The following ZCCHC7 variants were observed in gnomAD, a reference collection of about 807,000 sequenced individuals.
ZCCHC7 encodes zinc finger CCHC-type containing 7.
Under a neutral mutation model 52.0 loss-of-function variants are expected in ZCCHC7, and 35 were observed. That is an observed-to-expected ratio of 0.67 (90% CI 0.51 to 0.89). The LOEUF (loss-of-function observed/expected upper bound fraction) is 0.89. Ranked by LOEUF, ZCCHC7 falls within the 40% of genes least tolerant of loss-of-function variation. The pLI is 0.00. For missense variants in ZCCHC7, 574 were observed against 649.1 expected (o/e 0.88, Z 1.26); for synonymous variants, 217 against 221.5 (o/e 0.98, Z 0.18).
At chr9:37,315,645 C>T (rs1210766760) in intron 5 of ZCCHC7, among the ~76,000 whole-genome samples, 2 of 151,524 alleles carry the variant, frequency 1.3e-5, no homozygotes, top group African/African-American at 2.4e-5. Flanking sequence ...AGACATGGCT[C>T]AATTTTTAAA....
rs749132062 is a variant in ZCCHC7 at position 37,126,957 on chromosome 9, G to T, written c.610+15G>T. The T allele has an allele frequency of 6.2e-7, 1 of 1,608,366 alleles. No individual in the cohort carries two copies. Among genetic ancestry groups the T allele is most frequent in the Non-Finnish European group, 8.5e-7 (1 of 1,177,514 alleles). On this transcript the variant is annotated intron_variant, in intron 2 of 8. Transcript: ENST00000336755. Reference sequence around the variant, plus strand: ...TGTTACTGAAGGTTAGTATCATATTGGCCATTTTGAAAGTAGTATCATCTT... The same window carrying T: ...TGTTACTGAAGGTTAGTATCATATTTGCCATTTTGAAAGTAGTATCATCTT...
chr9:37,169,852 G>C (rs1821632867), intron 2 of ZCCHC7, among the ~76,000 whole-genome samples: 1 of 152,076 alleles, frequency 6.6e-6, no homozygotes, highest in African/African-American at 2.4e-5. Flanking sequence ...GTTTGCTTGA[G>C]CCCAGCAGTT....
In ZCCHC7 at chr9:37,190,537, T is replaced by G. The variant is rs201104651; in HGVS notation, c.610+63595T>G. Among the ~76,000 whole-genome samples the G allele has an allele frequency of 5.3e-5, 8 of 152,354 alleles. No individual in the cohort carries two copies. In the East Asian group the frequency reaches 1.5e-3, roughly 29 times the overall value. On this transcript the variant is annotated intron_variant, in intron 2 of 8. Transcript: ENST00000336755. Reference sequence around the variant, plus strand: ...CAGTCTGCCTTAACTAGCTGCTTTATGCATCATCCAGGTTTTCTGGATTCA... The same window carrying G: ...CAGTCTGCCTTAACTAGCTGCTTTAGGCATCATCCAGGTTTTCTGGATTCA...
chr9:37,336,672 G>T (rs2118375224), intron 6 of ZCCHC7, among the ~76,000 whole-genome samples: 1 of 152,204 alleles, frequency 6.6e-6, no homozygotes, highest in African/African-American at 2.4e-5. Flanking sequence ...TATAGTAGCA[G>T]ATTTGAATAT....
chr9:37,156,528 A>G (rs1439150825), intron 2 of ZCCHC7, among the ~76,000 whole-genome samples: 1 of 152,226 alleles, frequency 6.6e-6, no homozygotes, highest in African/African-American at 2.4e-5. Context: ...CGGTTTTTAA[A>G]TTCTTTTCAT....
chr9:37,267,490 C>G (rs1000252187), intron 2 of ZCCHC7, among the ~76,000 whole-genome samples: 2 of 151,856 alleles, frequency 1.3e-5, no homozygotes, highest in Non-Finnish European at 2.9e-5. Flanking sequence ...GCCTCGACCT[C>G]GACCTCCCAA....
chr9:37,243,997 A>AT (rs1482797495), intron 2 of ZCCHC7, among the ~76,000 whole-genome samples: 6 of 151,710 alleles, frequency 4.0e-5, no homozygotes, highest in Non-Finnish European at 8.9e-5. Flanking sequence ...ATCTTGACTC[A>AT]TTTTATTCAT....
Position 37,264,646 on chromosome 9 carries a change from T to G in ZCCHC7, c.611-37542T>G, listed in dbSNP as rs545750590. ...AAAAGTAGGCATTTAATATATTATT[T>G]TATTTTACGAGTTTTCTTGATACAT... On this transcript the variant is annotated intron_variant, in intron 2 of 8. Transcript: ENST00000336755. 5.4e-4 allele frequency among the ~76,000 whole-genome samples: 83 copies of G among 152,346 alleles called. No individual in the cohort carries two copies. In the South Asian group the frequency reaches 0.015, roughly 28 times the overall value.
intron 7 of ZCCHC7, among the ~76,000 whole-genome samples, chr9:37,351,720 G>A (rs948415909): frequency 6.6e-6 from 1 of 152,116 alleles, no homozygotes; most frequent in Admixed American, 6.5e-5. Context: ...ATTCACATAA[G>A]CTTTCCATTA....
chr9:37,265,573 A>G (rs1827066756), intron 2 of ZCCHC7, among the ~76,000 whole-genome samples: 1 of 152,176 alleles, frequency 6.6e-6, no homozygotes, highest in Non-Finnish European at 1.5e-5. Context: ...GTTCTACTTA[A>G]GTAGTATTTG....
intron 2 of ZCCHC7, among the ~76,000 whole-genome samples, chr9:37,273,471 C>T (rs1484403174): frequency 6.6e-6 from 1 of 152,164 alleles, no homozygotes; most frequent in Non-Finnish European, 1.5e-5. Flanking sequence ...CCACTGCACT[C>T]CAGCCTGGGC....
At chr9:37,144,119 T>A (rs184099001) in intron 2 of ZCCHC7, among the ~76,000 whole-genome samples, 14 of 151,982 alleles carry the variant, frequency 9.2e-5, no homozygotes, top group African/African-American at 3.1e-4. Context: ...AATATGCTAG[T>A]GATTGGCTTA....
intron 6 of ZCCHC7, among the ~76,000 whole-genome samples, chr9:37,338,054 A>G (rs1374562587): frequency 6.6e-6 from 1 of 152,176 alleles, no homozygotes; most frequent in African/African-American, 2.4e-5. Flanking sequence ...GAAAATTGGG[A>G]TGCTTTTTAA....
intron 4 of ZCCHC7, 35 bp downstream of exon 4, chr9:37,304,348 G>A (rs1314844988): frequency 1.2e-6 from 2 of 1,603,976 alleles, no homozygotes; most frequent in African/African-American, 2.7e-5. Context: ...TTCCACATTT[G>A]TAAACTCAAA....
chr9:37,345,955 GT>G (rs901229289), intron 6 of ZCCHC7, among the ~76,000 whole-genome samples: 1 of 151,722 alleles, frequency 6.6e-6, no homozygotes, highest in Non-Finnish European at 1.5e-5. Context: ...GTTTGAAGTA[GT>G]TTTTTTTGTT....
Position 37,126,818 on chromosome 9 carries a change from G to A in ZCCHC7, c.486G>A (p.Glu162=), listed in dbSNP as rs1303896401. Residue 162 remains glutamate (E), a synonymous_variant, in exon 2 of 9, where the codon GAG becomes GAA. Transcript: ENST00000336755. ...VMIIEVSSSE[E]EESTISEGDN... ...TTATAGAGGTCAGTTCAAGTGAAGAGGAAGAGAGCACCATTTCAGAAGGTG... is the reference window on the plus strand; with the variant it reads ...TTATAGAGGTCAGTTCAAGTGAAGAAGAAGAGAGCACCATTTCAGAAGGTG... 1 of 1,614,200 alleles carries A rather than the reference G, an allele frequency of 6.2e-7. No individual in the cohort carries two copies. Among genetic ancestry groups the A allele is most frequent in the African/African-American group, 1.3e-5 (1 of 75,060 alleles).
Position 37,269,495 on chromosome 9 carries a change from T to C in ZCCHC7, c.611-32693T>C, listed in dbSNP as rs1827280902. On this transcript the variant is annotated intron_variant, in intron 2 of 8. Transcript: ENST00000336755. The stretch of plus-strand genomic sequence containing the variant: ...TTAACTGAGTGTTGCAGTGCGTGCC[T>C]ATAGTCCCAGCTACCAGGGAGGCTG... Among the ~76,000 whole-genome samples, 11 of 151,374 alleles carry C rather than the reference T, an allele frequency of 7.3e-5. No homozygotes were observed. The South Asian group carries it at 2.3e-3, about 32-fold the overall frequency.
chr9:37,224,518 T>C (rs1219350875), intron 2 of ZCCHC7, among the ~76,000 whole-genome samples: 1 of 152,196 alleles, frequency 6.6e-6, no homozygotes, highest in African/African-American at 2.4e-5. Flanking sequence ...TAATTGTTTA[T>C]AGACATTGGA....
At chr9:37,204,382 A>T (rs901191553) in intron 2 of ZCCHC7, among the ~76,000 whole-genome samples, 1 of 152,194 alleles carries the variant, frequency 6.6e-6, no homozygotes, top group Non-Finnish European at 1.5e-5. Flanking sequence ...ATCTTTGCCC[A>T]TGCCTATGTC....
Sources: allele counts gnomAD v4.1 joint callset (sites outside exome capture counted in the v4.1 genomes callset), GRCh38; gene constraint gnomAD v4.1.1; transcripts MANE v1.5; gene names NCBI Gene and HGNC (gene_info 2026-07-23, HGNC 2026-07-21).